Variants in PRKAG2 observed in about 807,000 individuals in gnomAD.
PRKAG2 encodes 5'-AMP-activated protein kinase subunit gamma-2.
In PRKAG2, 26 loss-of-function variants were observed where a neutral mutation model predicts 69.6. That is an observed-to-expected ratio of 0.37 (90% CI 0.27 to 0.52). The LOEUF is 0.52. Ranked by LOEUF, PRKAG2 falls within the 20% of genes least tolerant of loss-of-function variation. The probability of loss-of-function intolerance (pLI) is 0.90; values close to 1 mark genes in which losing one functional copy is unlikely to be tolerated. For synonymous variants in PRKAG2, 293 were observed against 285.0 expected, an observed-to-expected ratio of 1.03 and a Z score of -0.28; for missense variants, 557 against 740.0, an observed-to-expected ratio of 0.75 and a Z score of 2.87.
intron 1 of PRKAG2, among the ~76,000 whole-genome samples, chr7:151,818,896 C>T (rs2078707534): frequency 6.6e-6 from 1 of 152,212 alleles, no homozygotes; most frequent in Non-Finnish European, 1.5e-5. Context: ...AGGCCAGTGC[C>T]CTGTACTCAT....
intron 5 of PRKAG2, among the ~76,000 whole-genome samples, chr7:151,613,636 T>A (rs1585227464): frequency 6.6e-6 from 1 of 151,588 alleles, no homozygotes; most frequent in African/African-American, 2.4e-5. Context: ...CAGCTGGGAT[T>A]ACAGGCACCC....
chr7:151,633,364 T>G (rs1825154790), intron 4 of PRKAG2, among the ~76,000 whole-genome samples: 1 of 152,142 alleles, frequency 6.6e-6, no homozygotes, highest in Non-Finnish European at 1.5e-5. Context: ...CCAGGGTGTC[T>G]GCTCTCACTA....
chr7:151,586,624 G>A (rs764541370), intron 6 of PRKAG2, among the ~76,000 whole-genome samples: 4 of 152,114 alleles, frequency 2.6e-5, no homozygotes, highest in Non-Finnish European at 5.9e-5. Context: ...TAGTTTCCTC[G>A]AATCACTATT....
chr7:151,756,665 G>A lies in PRKAG2; in HGVS notation c.466+24487C>T, dbSNP rs554824744. On this transcript the variant is annotated intron_variant, in intron 3 of 15. Transcript: ENST00000287878. This position sits in a 1 kb window ranked among gnomAD's most constrained non-coding sequence, Gnocchi z 4.9. ...CCAGACAGACCAACTGCAGCTCCTGGTTCCAGCCCCGCCAGGGCTCCCAGC... is the reference window on the plus strand; with the variant it reads ...CCAGACAGACCAACTGCAGCTCCTGATTCCAGCCCCGCCAGGGCTCCCAGC... Among the ~76,000 whole-genome samples the A allele has an allele frequency of 3.3e-5, 5 of 152,262 alleles. No individual in the cohort carries two copies. The South Asian group carries it at 1.0e-3, about 32-fold the overall frequency.
chr7:151,673,781 T>C (rs1410297965), intron 4 of PRKAG2, among the ~76,000 whole-genome samples: 1 of 151,948 alleles, frequency 6.6e-6, no homozygotes, highest in Non-Finnish European at 1.5e-5. Flanking sequence ...AGGGTCTTTG[T>C]AGATATAATC....
chr7:151,617,077 T>C (rs950595997), intron 5 of PRKAG2, among the ~76,000 whole-genome samples: 1 of 151,794 alleles, frequency 6.6e-6, no homozygotes, highest in Non-Finnish European at 1.5e-5. Context: ...CTGACCAACG[T>C]GGAGAAACCC....
At chr7:151,627,201 C>T (rs1823177321) in intron 5 of PRKAG2, among the ~76,000 whole-genome samples, 1 of 152,190 alleles carries the variant, frequency 6.6e-6, no homozygotes, top group Non-Finnish European at 1.5e-5. Flanking sequence ...ACAGGCCCTT[C>T]ATCACAGATC....
At chr7:151,631,635 T>C in intron 5 of PRKAG2, 1 of 455,376 alleles carries the variant, frequency 2.2e-6, no homozygotes, top group Non-Finnish European at 4.4e-6. Flanking sequence ...AGACACACCC[T>C]ACCGGTCATA....
chr7:151,675,418 AC>A lies in PRKAG2; in HGVS notation c.684+1del. ...CCCACCCACAGAAGGGCCCAGACTT[AC>A]GGCTTTGGAGGGAGCATAGTGTGTC... is the stretch of plus-strand genomic sequence containing the variant. On this transcript the variant is annotated splice_donor_variant, in intron 4 of 15. Coordinates refer to ENST00000287878, the MANE Select transcript of PRKAG2 (RefSeq NM_016203.4). LOFTEE classifies it high-confidence loss of function. 1 of 1,613,500 alleles carries A rather than the reference AC, an allele frequency of 6.2e-7. No individual in the cohort carries two copies. Among genetic ancestry groups the A allele is most frequent in the Non-Finnish European group, 8.5e-7 (1 of 1,179,532 alleles).
At position 151,756,032 on chromosome 7, in the gene PRKAG2, C is replaced by CCCTCTCCCGCCT. The variant is rs1188350736; in HGVS notation, c.466+25108_466+25119dup. 2.6e-5 allele frequency among the ~76,000 whole-genome samples: 4 copies of CCCTCTCCCGCCT among 152,174 alleles called. No homozygotes were observed. Among genetic ancestry groups the CCCTCTCCCGCCT allele is most frequent in the Non-Finnish European group, 4.4e-5 (3 of 68,028 alleles). On this transcript the variant is annotated intron_variant, in intron 3 of 15. Transcript: ENST00000287878. The surrounding 1 kb of genome is among the most constrained non-coding windows in gnomAD (Gnocchi z 4.9). Reference sequence around the variant, plus strand: ...TGCGCAAACACAAATACTTCCACTGCCCTCTCCCGCCTCCTCTCCCATCCC... The same window carrying CCCTCTCCCGCCT: ...TGCGCAAACACAAATACTTCCACTGCCCTCTCCCGCCTCCTCTCCCGCCTCCTCTCCCATCCC...
intron 1 of PRKAG2, among the ~76,000 whole-genome samples, chr7:151,831,727 C>T (rs2079029606): frequency 6.6e-6 from 1 of 152,156 alleles, no homozygotes; most frequent in South Asian, 2.1e-4. Flanking sequence ...GTCTCGGGTC[C>T]TGGCCTCGCC....
At chr7:151,786,928 C>T (rs1325770151) in intron 1 of PRKAG2, among the ~76,000 whole-genome samples, 1 of 152,214 alleles carries the variant, frequency 6.6e-6, no homozygotes, top group Non-Finnish European at 1.5e-5. Flanking sequence ...GGACATGTGT[C>T]TGCCTAGGAA....
chr7:151,559,898 C>T, intron 15 of PRKAG2: 2 of 985,326 alleles, frequency 2.0e-6, no homozygotes, highest in Non-Finnish European at 2.4e-6. Context: ...AAGCCCACCT[C>T]TTACTACTGA....
intron 1 of PRKAG2, among the ~76,000 whole-genome samples, chr7:151,865,515 G>A (rs1390795146): frequency 1.3e-5 from 2 of 152,188 alleles, no homozygotes; most frequent in African/African-American, 4.8e-5. Flanking sequence ...GGAGAGAGGG[G>A]CCCATGTGGA....
intron 14 of PRKAG2, among the ~76,000 whole-genome samples, chr7:151,563,588 G>C (rs887695455): frequency 3.3e-5 from 5 of 152,038 alleles, no homozygotes; most frequent in African/African-American, 1.2e-4. Context: ...CAGATACATC[G>C]ATCTATTTAG....
chr7:151,812,312 G>T (rs62478247), intron 1 of PRKAG2, among the ~76,000 whole-genome samples: 10 of 152,138 alleles, frequency 6.6e-5, no homozygotes, highest in African/African-American at 2.2e-4. Flanking sequence ...TTGTTAGAAG[G>T]GGGTGTGGTG....
intron 4 of PRKAG2, among the ~76,000 whole-genome samples, chr7:151,666,885 A>G (rs1353942436): frequency 6.6e-6 from 1 of 152,224 alleles, no homozygotes; most frequent in Non-Finnish European, 1.5e-5. Context: ...TTTAAAAATG[A>G]AGGGGAGAAA....
chr7:151,643,641 C>G (rs1827115382), intron 4 of PRKAG2, among the ~76,000 whole-genome samples: 1 of 152,234 alleles, frequency 6.6e-6, no homozygotes, highest in African/African-American at 2.4e-5. Flanking sequence ...ATTCTGGAGA[C>G]TTCAGTGGTC....
chr7:151,816,106 C>T (rs898671719), intron 1 of PRKAG2, among the ~76,000 whole-genome samples: 42 of 152,142 alleles, frequency 2.8e-4, no homozygotes, highest in African/African-American at 5.6e-4. Flanking sequence ...GACAAAAAGG[C>T]GGCTGAGTCA....
Sources: allele counts gnomAD v4.1 joint callset (sites outside exome capture counted in the v4.1 genomes callset), GRCh38; gene constraint gnomAD v4.1.1; non-coding constraint Gnocchi (gnomAD v3.1); transcripts MANE v1.5; gene names NCBI Gene and HGNC (gene_info 2026-07-23, HGNC 2026-07-21).